Variants in DGCR2 observed in about 807,000 individuals in gnomAD.
DGCR2 encodes DiGeorge syndrome critical region gene 2.
A neutral mutation model predicts 51.6 loss-of-function variants in DGCR2; 24 were observed. The ratio of observed to expected loss-of-function variants is 0.47; its 90% confidence interval spans 0.34 to 0.65. The LOEUF (loss-of-function observed/expected upper bound fraction) is 0.65. Among genes scored for constraint, DGCR2 ranks in the 30% least tolerant of loss-of-function variants. The pLI is 0.01. For missense variants in DGCR2, 765 were observed against 772.1 expected (o/e 0.99, Z 0.11); for synonymous variants, 340 against 315.4 (o/e 1.08, Z -0.82).
chr22:19,048,755 TACCTGTTACCTTAGAATGGG>T, intron 6 of DGCR2, 112 bp from the exon 7 acceptor site: 1 of 1,010,386 alleles, frequency 9.9e-7, no homozygotes, highest in Non-Finnish European at 1.5e-6. Flanking sequence ...CTGTGAATGC[TACCTGTTACCTTAGAATGGG>T]AAGGAGGCAG....
rs778968362 is a variant in DGCR2, at chr22:19,099,041, G to A, written c.80-9551C>T. 2.6e-5 allele frequency among the ~76,000 whole-genome samples: 4 copies of A among 152,244 alleles called. No individual in the cohort carries two copies. In the South Asian group the frequency reaches 8.3e-4, roughly 32 times the overall value. On this transcript the variant is annotated intron_variant, in intron 1 of 9. Coordinates refer to ENST00000263196, the MANE Select transcript of DGCR2 (RefSeq NM_005137.3). ...ATGAAGTGTCAGAAGTTCTCCAATAGGGAAGGTTTTTCTCCCTTCTTGATC... is the reference window on the plus strand; with the variant it reads ...ATGAAGTGTCAGAAGTTCTCCAATAAGGAAGGTTTTTCTCCCTTCTTGATC...
chr22:19,071,036 C>G (rs1050957204), intron 2 of DGCR2, among the ~76,000 whole-genome samples: 1 of 152,218 alleles, frequency 6.6e-6, no homozygotes, highest in African/African-American at 2.4e-5. Context: ...CCTCTTCCCG[C>G]GGAGGGCCAG....
intron 1 of DGCR2, among the ~76,000 whole-genome samples, chr22:19,120,422 C>T (rs1391078841): frequency 6.6e-6 from 1 of 152,172 alleles, no homozygotes; most frequent in African/African-American, 2.4e-5. Flanking sequence ...TTACACCTGG[C>T]CTCTGTTCCA....
rs115412800 is a variant in DGCR2 at position 19,060,386 on chromosome 22, C to T, written c.625+2816G>A. On this transcript the variant is annotated intron_variant, in intron 5 of 9. Coordinates refer to ENST00000263196, the MANE Select transcript of DGCR2 (RefSeq NM_005137.3). ...TTTGGGGGAGAAAAGAAGGCTTCTA[C>T]TAAGTCACACACCTCCTGACCTCAG... 5.6e-3 allele frequency among the ~76,000 whole-genome samples: 849 copies of T among 152,344 alleles called. 6 individuals are homozygous for T. The highest frequency in any genetic ancestry group is 0.019 in the African/African-American group (808 of 41,580).
At chr22:19,087,360 G>A (rs554725174) in intron 2 of DGCR2, among the ~76,000 whole-genome samples, 21 of 152,294 alleles carry the variant, frequency 1.4e-4, no homozygotes, top group Admixed American at 1.2e-3. Flanking sequence ...GGGCTCCAGA[G>A]ATGATCAGGA....
At position 19,037,623 on chromosome 22, in the gene DGCR2, A is replaced by T. The variant is rs1431635610; in HGVS notation, c.*1242T>A. On this transcript the variant is annotated 3_prime_UTR_variant, in exon 10 of 10. Coordinates refer to ENST00000263196, the MANE Select transcript of DGCR2 (RefSeq NM_005137.3). The stretch of plus-strand genomic sequence containing the variant: ...ACACACACAGAGACACAAACATACA[A>T]AGGAAAGATCCAGACATTCAACGTA... 6.6e-6 allele frequency: 1 copy of T among 152,210 alleles called. No individual in the cohort carries two copies. Among genetic ancestry groups the T allele is most frequent in the East Asian group, 1.9e-4 (1 of 5,192 alleles). The allele number at this position is 152,210 out of a possible 1,614,324, so 9.4% of individuals were successfully genotyped here. A position where few individuals can be genotyped will look rare whatever the true frequency, so the allele number is the denominator to read the frequency against.
intron 1 of DGCR2, among the ~76,000 whole-genome samples, chr22:19,099,273 T>C (rs1368476902): frequency 6.6e-6 from 1 of 152,202 alleles, no homozygotes; most frequent in African/African-American, 2.4e-5. Context: ...TTGCTTTAGC[T>C]GGACATCAAC....
chr22:19,078,387 T>C (rs913488171), intron 2 of DGCR2, among the ~76,000 whole-genome samples: 5 of 152,236 alleles, frequency 3.3e-5, no homozygotes, highest in African/African-American at 1.2e-4. Flanking sequence ...TACATAAATA[T>C]AAATACAACT....
At chr22:19,084,087 C>G (rs1049933233) in intron 2 of DGCR2, among the ~76,000 whole-genome samples, 10 of 152,268 alleles carry the variant, frequency 6.6e-5, no homozygotes, top group Admixed American at 5.2e-4. Context: ...CACCTCCCAG[C>G]CGCCTGCCTT....
At chr22:19,054,686 G>A (rs541118545) in intron 6 of DGCR2, among the ~76,000 whole-genome samples, 2 of 151,006 alleles carry the variant, frequency 1.3e-5, no homozygotes, top group South Asian at 2.1e-4. Context: ...TGCTATGATC[G>A]TGCCTGTGAT....
rs1367621886 is a variant in DGCR2, at chr22:19,122,224, TC to T, written c.-19del. On this transcript the variant is annotated 5_prime_UTR_variant, in exon 1 of 10. Transcript: ENST00000263196. ...GGCACCATTTATCCTCCGTTCATCGTCCCCGGGGCGGCTGGAAGGCCGGACC... is the reference window on the plus strand; with the variant it reads ...GGCACCATTTATCCTCCGTTCATCGTCCCGGGGCGGCTGGAAGGCCGGACC... 3 of 1,491,600 alleles carry T rather than the reference TC, an allele frequency of 2.0e-6. No individual in the cohort carries two copies. Among genetic ancestry groups the T allele is most frequent in the Admixed American group, 2.3e-5 (1 of 44,102 alleles). 92.4% of individuals were successfully genotyped at this position (1,491,600 alleles called of 1,614,324 possible). A position where few individuals can be genotyped will look rare whatever the true frequency, so the allele number is the denominator to read the frequency against.
At chr22:19,108,117 C>A (rs950747068) in intron 1 of DGCR2, among the ~76,000 whole-genome samples, 1 of 152,144 alleles carries the variant, frequency 6.6e-6, no homozygotes, top group African/African-American at 2.4e-5. Flanking sequence ...TGTCTGCCCC[C>A]ACGAAGCTCA....
intron 1 of DGCR2, among the ~76,000 whole-genome samples, chr22:19,115,282 G>T (rs952361809): frequency 3.3e-5 from 5 of 152,228 alleles, no homozygotes; most frequent in African/African-American, 9.6e-5. Flanking sequence ...GCTTGCTGGG[G>T]TCCCTCCCTC....
chr22:19,075,590 T>C (rs954850064), intron 2 of DGCR2, among the ~76,000 whole-genome samples: 4 of 152,218 alleles, frequency 2.6e-5, no homozygotes, highest in Non-Finnish European at 5.9e-5. Context: ...CCTCCCAATT[T>C]TTCTCTCCTC....
In DGCR2 at chr22:19,041,364, C is replaced by A. The variant is rs543838312; in HGVS notation, c.1160-70G>T. The A allele has an allele frequency of 4.7e-6, 7 of 1,489,560 alleles. No homozygotes were observed. In the South Asian group the frequency reaches 7.0e-5, roughly 15 times the overall value. 92.3% of individuals were successfully genotyped at this position (1,489,560 alleles called of 1,614,324 possible). A position where few individuals can be genotyped will look rare whatever the true frequency, so the allele number is the denominator to read the frequency against. On this transcript the variant is annotated intron_variant, in intron 8 of 9. Transcript: ENST00000263196. ...GGGGCAGGCTGCCTGGCTCCTGAGC[C>A]CCCCACCCCCAGGCTGGGCCTGCCG...
rs114505757 is a variant in DGCR2 at position 19,117,810 on chromosome 22, A to T, written c.79+4318T>A. 4.1e-3 allele frequency among the ~76,000 whole-genome samples: 626 copies of T among 152,308 alleles called. 2 individuals carry two copies. The highest frequency in any genetic ancestry group is 0.014 in the African/African-American group (599 of 41,560). On this transcript the variant is annotated intron_variant, in intron 1 of 9. Transcript: ENST00000263196. ...AAAAAGGAAAATTCATTAGCTAGTG[A>T]AGGTAGAAAGTATATTACATCACTT... is the stretch of plus-strand genomic sequence containing the variant.
intron 4 of DGCR2, 63 bp from the exon 5 acceptor site, chr22:19,063,341 T>A (rs1197302466): frequency 6.6e-7 from 1 of 1,515,492 alleles, no homozygotes; most frequent in Non-Finnish European, 9.1e-7. Context: ...CATCAATGAC[T>A]GTGTGTTTTT....
chr22:19,076,326 A>G (rs2145988391), intron 2 of DGCR2, among the ~76,000 whole-genome samples: 1 of 148,672 alleles, frequency 6.7e-6, no homozygotes, highest in Middle Eastern at 3.4e-3. Flanking sequence ...ATACTCGGCT[A>G]ATTTTTTTTT....
At chr22:19,105,696 A>G (rs757659500) in intron 1 of DGCR2, among the ~76,000 whole-genome samples, 2 of 15,916 alleles carry the variant, frequency 1.3e-4, no homozygotes, top group Non-Finnish European at 2.3e-4. Flanking sequence ...TCATCAGAAC[A>G]CCAACCTGCG....
Sources: gnomAD v4.1 joint callset for allele counts (sites outside exome capture counted in the v4.1 genomes callset) on GRCh38, gnomAD v4.1.1 for gene constraint, MANE v1.5 for transcripts, NCBI Gene and HGNC (gene_info 2026-07-23, HGNC 2026-07-21) for gene names.